ZFHX3: variants seen among roughly 807,000 people sequenced by gnomAD.
The protein encoded by ZFHX3 is zinc finger homeobox protein 3.
Under a neutral mutation model 279.1 loss-of-function variants are expected in ZFHX3, and 42 were observed. The observed-to-expected ratio is 0.15, with a 90% CI of 0.12 to 0.19. ZFHX3 has a LOEUF of 0.19. Ranked by LOEUF, ZFHX3 falls within the 10% of genes least tolerant of loss-of-function variation. The pLI is 1.00. For missense variants in ZFHX3, 4,981 were observed against 4,754.0 expected (o/e 1.05, Z -1.40); for synonymous variants, 2,293 against 1,957.8 (o/e 1.17, Z -4.52).
intron 1 of ZFHX3, among the ~76,000 whole-genome samples, chr16:73,816,400 C>T (rs915191511): frequency 6.6e-6 from 1 of 152,010 alleles, no homozygotes; most frequent in South Asian, 2.1e-4. Flanking sequence ...AACTAGACCC[C>T]CCAGCCAAGT....
chr16:73,028,673 C>T (rs940053661), intron 1 of ZFHX3, among the ~76,000 whole-genome samples: 1 of 152,210 alleles, frequency 6.6e-6, no homozygotes, highest in Admixed American at 6.5e-5. Flanking sequence ...AAGACCCCCA[C>T]TGGTGGCTCT....
chr16:73,764,958 C>T (rs1425107981), intron 1 of ZFHX3, among the ~76,000 whole-genome samples: 3 of 152,324 alleles, frequency 2.0e-5, no homozygotes, highest in Middle Eastern at 3.4e-3. Flanking sequence ...ATTATCTCAA[C>T]GCCTGGATCA....
chr16:73,727,655 C>CTAGG (rs1247069382), intron 1 of ZFHX3, among the ~76,000 whole-genome samples: 1 of 152,212 alleles, frequency 6.6e-6, no homozygotes, highest in Non-Finnish European at 1.5e-5. Context: ...CATCCCATTT[C>CTAGG]TAGGTATCTG....
At chr16:72,883,896 G>A (rs903023327) in intron 4 of ZFHX3, among the ~76,000 whole-genome samples, 9 of 152,096 alleles carry the variant, frequency 5.9e-5, no homozygotes, top group Admixed American at 1.3e-4. Flanking sequence ...CAGTAAAAAG[G>A]AAAGGAGAAA....
intron 5 of ZFHX3, among the ~76,000 whole-genome samples, chr16:73,229,978 A>G (rs1287304491): frequency 6.6e-6 from 1 of 152,226 alleles, no homozygotes; most frequent in South Asian, 2.1e-4. Context: ...AGATACATGA[A>G]TGGATTAATG....
At chr16:73,050,012 A>C (rs1328123727), upstream of ZFHX3, among the ~76,000 whole-genome samples, 1 of 152,200 alleles carries the variant, frequency 6.6e-6, no homozygotes, top group Non-Finnish European at 1.5e-5. Flanking sequence ...CGGAAAAACG[A>C]AGATTCCTTA....
upstream of ZFHX3, among the ~76,000 whole-genome samples, chr16:73,052,859 C>G (rs973189516): frequency 5.9e-5 from 9 of 152,302 alleles, no homozygotes; most frequent in Admixed American, 4.6e-4. Context: ...GGGACTCCTT[C>G]CCTGCTGCCT....
At chr16:73,496,707 G>A (rs779078150) in intron 2 of ZFHX3, among the ~76,000 whole-genome samples, 5 of 152,140 alleles carry the variant, frequency 3.3e-5, no homozygotes, top group East Asian at 1.9e-4. Flanking sequence ...TCTGTGGGGC[G>A]GGGCTTCCCA....
intron 4 of ZFHX3, among the ~76,000 whole-genome samples, chr16:73,258,891 G>C (rs1482401099): frequency 6.6e-6 from 1 of 152,172 alleles, no homozygotes; most frequent in Non-Finnish European, 1.5e-5. Flanking sequence ...TCCCGGGTAA[G>C]AGTTTACATT....
At chr16:73,622,675 T>C (rs2052375267) in intron 2 of ZFHX3, among the ~76,000 whole-genome samples, 1 of 152,188 alleles carries the variant, frequency 6.6e-6, no homozygotes, top group Non-Finnish European at 1.5e-5. Flanking sequence ...CTTAGGTCCC[T>C]CTCTTCTGAG....
chr16:73,278,218 A>C (rs969746156), intron 4 of ZFHX3, among the ~76,000 whole-genome samples: 2 of 152,202 alleles, frequency 1.3e-5, no homozygotes, highest in Admixed American at 6.5e-5. Context: ...TTATACTGAT[A>C]TTCTCCTAAG....
chr16:73,361,120 C>T (rs1424673151), intron 3 of ZFHX3, among the ~76,000 whole-genome samples: 1 of 152,182 alleles, frequency 6.6e-6, no homozygotes, highest in Non-Finnish European at 1.5e-5. Flanking sequence ...AAGTCCCATT[C>T]CCAAGAGCAT....
rs1226264226 is a variant in ZFHX3, at chr16:72,865,375, C to T, written c.3448+24356G>A. 4.6e-5 allele frequency among the ~76,000 whole-genome samples: 7 copies of T among 152,306 alleles called. No homozygotes were observed. The South Asian group carries it at 1.2e-3, about 27-fold the overall frequency. Reference sequence around the variant, plus strand: ...ATATACACACAAGCCCGTTCAGCCCCGAGTTGGGCTCTGAGTGCCATGGAT... The same window carrying T: ...ATATACACACAAGCCCGTTCAGCCCTGAGTTGGGCTCTGAGTGCCATGGAT... On this transcript the variant is annotated intron_variant, in intron 4 of 9. Coordinates refer to ENST00000268489, the MANE Select transcript of ZFHX3 (RefSeq NM_006885.4).
chr16:72,923,324 A>G (rs762653043), intron 3 of ZFHX3, among the ~76,000 whole-genome samples: 6 of 152,042 alleles, frequency 3.9e-5, no homozygotes, highest in South Asian at 2.1e-4. Flanking sequence ...GCATGCCTAT[A>G]GTTCCAGCTA....
chr16:73,217,754 A>G (rs1597225652), intron 5 of ZFHX3, among the ~76,000 whole-genome samples: 2 of 152,190 alleles, frequency 1.3e-5, no homozygotes. Flanking sequence ...CAATAGGGCT[A>G]TTTATTTTTT....
chr16:73,126,707 G>A (rs1966575587), intron 7 of ZFHX3: 1 of 152,274 alleles, frequency 6.6e-6, no homozygotes, highest in Admixed American at 6.5e-5. Context: ...CCTGGAACAA[G>A]GATGGGGGTG....
chr16:73,125,693 C>T (rs1351832657), intron 7 of ZFHX3, among the ~76,000 whole-genome samples: 1 of 152,064 alleles, frequency 6.6e-6, no homozygotes, highest in South Asian at 2.1e-4. Flanking sequence ...AGTTTTGGAA[C>T]TTGGACTGGC....
intron 3 of ZFHX3, among the ~76,000 whole-genome samples, chr16:72,935,517 G>T (rs965467409): frequency 1.3e-5 from 2 of 152,120 alleles, no homozygotes; most frequent in African/African-American, 4.8e-5. Flanking sequence ...GAGGCAGGCG[G>T]ATCGCCCGAG....
intron 3 of ZFHX3, among the ~76,000 whole-genome samples, chr16:72,915,711 C>T (rs1042349905): frequency 2.0e-5 from 3 of 151,214 alleles, no homozygotes; most frequent in South Asian, 2.1e-4. Flanking sequence ...TCCAGTGAGC[C>T]GTGTTTGTGC....
Sources: allele counts gnomAD v4.1 joint callset (sites outside exome capture counted in the v4.1 genomes callset), GRCh38; gene constraint gnomAD v4.1.1; transcripts MANE v1.5; gene names NCBI Gene and HGNC (gene_info 2026-07-23, HGNC 2026-07-21).